Variants in SPINK5 observed in about 807,000 individuals in gnomAD.
SPINK5 encodes the protein serine peptidase inhibitor Kazal type 5, also known as serine protease inhibitor Kazal-type 5.
In SPINK5, 125 loss-of-function variants were observed where a neutral mutation model predicts 151.8. That is an observed-to-expected ratio of 0.82 (90% CI 0.71 to 0.96). The LOEUF is 0.96. Ranked by LOEUF, SPINK5 falls within the 40% of genes least tolerant of loss-of-function variation. SPINK5 has a pLI of 0.00. For synonymous variants in SPINK5, 374 were observed against 395.3 expected (o/e 0.95, Z 0.64); for missense variants, 1,194 against 1,291.9 (o/e 0.92, Z 1.16).
intron 32 of SPINK5, 62 bp from the exon 33 acceptor site, chr5:148,136,919 TAC>T (rs1287393722): frequency 4.4e-6 from 7 of 1,595,216 alleles, no homozygotes; most frequent in Non-Finnish European, 8.6e-7. Context: ...GCTATAAATA[TAC>T]AGCCCACATT....
chr5:148,133,234 G>A (rs542489776), intron 31 of SPINK5, among the ~76,000 whole-genome samples: 3 of 152,294 alleles, frequency 2.0e-5, no homozygotes, highest in South Asian at 4.1e-4. Flanking sequence ...TTATATGAGA[G>A]CAATTTCAAT....
intron 2 of SPINK5, among the ~76,000 whole-genome samples, chr5:148,067,854 ATCC>A (rs1054744243): frequency 6.6e-6 from 1 of 152,088 alleles, no homozygotes; most frequent in Admixed American, 6.6e-5. Context: ...GCTTCAAGCA[ATCC>A]TCCTCCCTTT....
Position 148,112,880 on chromosome 5 carries a change from A to G in SPINK5, c.1833A>G (p.Ala611=). 2 of 1,613,936 alleles carry G rather than the reference A, an allele frequency of 1.2e-6. No individual in the cohort carries two copies. The highest frequency in any genetic ancestry group is 8.5e-7 in the Non-Finnish European group (1 of 1,179,900). The change falls in exon 20 of 33, where the codon GCA becomes GCG. Residue 611 remains alanine, a synonymous_variant. Transcript: ENST00000256084. ...CCTTTTCTTATAGCCAGCAAGAAGC[A>G]AAAGAAAAAGAAAGAGCTGAACCCA... ...SMCEAFFQQE[A]KEKERAEPRA... is the part of the protein sequence containing the mutation.
intron 26 of SPINK5, among the ~76,000 whole-genome samples, chr5:148,122,433 C>T (rs1754294542): frequency 6.6e-6 from 1 of 152,136 alleles, no homozygotes. Flanking sequence ...AGGGTAAGTA[C>T]AATCTAGGTT....
At chr5:148,083,509 G>T (rs1185756608) in intron 4 of SPINK5, among the ~76,000 whole-genome samples, 1 of 150,898 alleles carries the variant, frequency 6.6e-6, no homozygotes, top group Non-Finnish European at 1.5e-5. Flanking sequence ...TTTTTGGGTG[G>T]TGATTTATTT....
intron 13 of SPINK5, 149 bp downstream of exon 13, chr5:148,100,730 G>T: frequency 1.2e-6 from 1 of 866,776 alleles, no homozygotes; most frequent in Non-Finnish European, 1.8e-6. Context: ...ACATGTATTT[G>T]AAAATCCATG....
At chr5:148,131,213 T>G (rs6895434) in intron 30 of SPINK5, 46 bp from the exon 31 acceptor site, 31 of 1,611,538 alleles carry the variant, frequency 1.9e-5, no homozygotes, top group Non-Finnish European at 2.6e-5. Flanking sequence ...CCACCCCTCT[T>G]CTTGAATGCC....
chr5:148,112,883 A>C lies in SPINK5; in HGVS notation c.1836A>C (p.Lys612Asn). 1 of 1,613,958 alleles carries C rather than the reference A, an allele frequency of 6.2e-7. No homozygotes were observed. Among genetic ancestry groups the C allele is most frequent in the Non-Finnish European group, 8.5e-7 (1 of 1,179,898 alleles). Residue 612 changes from lysine (K) to asparagine (N), a missense_variant, in exon 20 of 33, where the codon AAA (lysine) becomes AAC (asparagine). Physicochemically the swap from Lys to Asn is moderately conservative, Grantham distance 94. Coordinates refer to ENST00000256084, the MANE Select transcript of SPINK5 (RefSeq NM_006846.4). ...MCEAFFQQEA[K>N]EKERAEPRAK... is the part of the protein sequence containing the mutation. ...TTTCTTATAGCCAGCAAGAAGCAAA[A>C]GAAAAAGAAAGAGCTGAACCCAGAG...
intron 32 of SPINK5, among the ~76,000 whole-genome samples, chr5:148,135,794 T>C (rs969630227): frequency 6.6e-6 from 1 of 152,128 alleles, no homozygotes; most frequent in Non-Finnish European, 1.5e-5. Flanking sequence ...ATCTCAAGAA[T>C]AGAATAAGAG....
chr5:148,114,576 T>C (rs1013743968), intron 21 of SPINK5, 87 bp downstream of exon 21: 2 of 1,575,722 alleles, frequency 1.3e-6, no homozygotes, highest in South Asian at 2.2e-5. Context: ...GTGTTTGTCC[T>C]TTCCTTACAT....
At chr5:148,126,798 G>T (rs1754442021) in intron 29 of SPINK5, among the ~76,000 whole-genome samples, 185 bp from the exon 30 acceptor site, 1 of 151,958 alleles carries the variant, frequency 6.6e-6, no homozygotes, top group Non-Finnish European at 1.5e-5. Flanking sequence ...CACCATGTTG[G>T]CCAGGCTGGT....
chr5:148,088,475 A>G, intron 5 of SPINK5, 67 bp from the exon 6 acceptor site: 1 of 1,343,994 alleles, frequency 7.4e-7, no homozygotes, highest in Non-Finnish European at 1.1e-6. Context: ...AATGTAGAGC[A>G]GTTAGGTTTG....
intron 15 of SPINK5, among the ~76,000 whole-genome samples, chr5:148,102,449 C>A (rs1481607136): frequency 6.6e-6 from 1 of 152,098 alleles, no homozygotes; most frequent in Admixed American, 6.6e-5. Context: ...TTGATTTAAT[C>A]ATCACAATGT....
chr5:148,116,279 A>G (rs1417267567), intron 21 of SPINK5, 91 bp from the exon 22 acceptor site: 4 of 1,268,536 alleles, frequency 3.2e-6, no homozygotes, highest in African/African-American at 1.5e-5. Flanking sequence ...TTCTGTACAT[A>G]TGTGATTTGT....
chr5:148,071,031 C>T (rs1401397816), intron 3 of SPINK5, among the ~76,000 whole-genome samples: 2 of 152,088 alleles, frequency 1.3e-5, no homozygotes, highest in Non-Finnish European at 2.9e-5. Context: ...TGGAAGTTTA[C>T]CAATCTCTAT....
chr5:148,134,812 T>G (rs1386315727), intron 32 of SPINK5, among the ~76,000 whole-genome samples: 1 of 152,102 alleles, frequency 6.6e-6, no homozygotes, highest in African/African-American at 2.4e-5. Flanking sequence ...AAGCTATTTA[T>G]TATTATTCAC....
intron 7 of SPINK5, 86 bp from the exon 8 acceptor site, chr5:148,091,079 G>T (rs1439020337): frequency 9.0e-7 from 1 of 1,106,276 alleles, no homozygotes; most frequent in African/African-American, 1.6e-5. Context: ...TCGTAGCAGA[G>T]GATATGAAAG....
At chr5:148,119,475 C>G (rs1485760340) in intron 24 of SPINK5, among the ~76,000 whole-genome samples, 3 of 152,108 alleles carry the variant, frequency 2.0e-5, no homozygotes, top group Admixed American at 6.5e-5. Flanking sequence ...TTTCTGGATT[C>G]CATAAGTTTT....
In SPINK5 at chr5:148,098,432, A is replaced by G. The variant is rs540111999; in HGVS notation, c.1010+438A>G. Among the ~76,000 whole-genome samples the G allele has an allele frequency of 2.0e-5, 3 of 152,226 alleles. No individual in the cohort carries two copies. In the East Asian group the frequency reaches 5.8e-4, roughly 29 times the overall value. On this transcript the variant is annotated intron_variant, in intron 11 of 32. Transcript: ENST00000256084. ...AATGGGTATTATTTTATGTAATGCA[A>G]TATTTCTCAATAAGTTAGAATGGAC...
Sources: allele counts gnomAD v4.1 joint callset (sites outside exome capture counted in the v4.1 genomes callset), GRCh38; gene constraint gnomAD v4.1.1; transcripts MANE v1.5; gene names NCBI Gene and HGNC (gene_info 2026-07-23, HGNC 2026-07-21).